The following FMN1 variants were observed in gnomAD, a reference collection of about 807,000 sequenced individuals.
FMN1 encodes the protein formin 1, also known as formin-1.
FMN1 carries 110 observed loss-of-function variants against 132.4 expected under a neutral mutation model. That is an observed-to-expected ratio of 0.83 (90% CI 0.71 to 0.97). FMN1 has a LOEUF of 0.97. Ranked by LOEUF, FMN1 falls within the 50% of genes least tolerant of loss-of-function variation. The pLI is 0.00. For synonymous variants in FMN1, 722 were observed against 651.7 expected (o/e 1.11, Z -1.64); for missense variants, 1,792 against 1,705.3 (o/e 1.05, Z -0.90).
chr15:33,133,439 C>T (rs901854334), intron 4 of FMN1, among the ~76,000 whole-genome samples: 4 of 152,250 alleles, frequency 2.6e-5, no homozygotes, highest in East Asian at 1.9e-4. Context: ...CCAAAGAGTA[C>T]GAACAGGGCC....
intron 5 of FMN1, among the ~76,000 whole-genome samples, chr15:33,086,672 A>C (rs1276837535): frequency 2.0e-5 from 3 of 152,210 alleles, no homozygotes; most frequent in African/African-American, 7.2e-5. Flanking sequence ...TGCAACTTAA[A>C]GTAATTGACC....
At chr15:33,124,938 C>T (rs1962910223) in intron 4 of FMN1, among the ~76,000 whole-genome samples, 1 of 151,974 alleles carries the variant, frequency 6.6e-6, no homozygotes, top group Non-Finnish European at 1.5e-5. Flanking sequence ...CCACTCCCCT[C>T]CACTGAGGTT....
rs763790315 is a variant in FMN1 at position 33,153,147 on chromosome 15, G to A, written c.1768C>T (p.Leu590Phe). ...ACCAACCGAGGTTGGCCTGCTCTGA[G>A]GAAGGCCGGGCTGGCTCCTTTGGTC... ...TETKGASPAF[L>F]RAGQPRLVPG... Residue 590 changes from leucine (L) to phenylalanine (F), a missense_variant, in exon 4 of 21, where the codon CTC becomes TTC. Transcript: ENST00000616417. 39 of 1,536,052 alleles carry A rather than the reference G, an allele frequency of 2.5e-5. No homozygotes were observed. Among genetic ancestry groups the A allele is most frequent in the Middle Eastern group, 3.3e-4 (2 of 6,012 alleles).
At chr15:32,955,932 T>C (rs1367039335) in intron 9 of FMN1, among the ~76,000 whole-genome samples, 1 of 152,198 alleles carries the variant, frequency 6.6e-6, no homozygotes, top group Non-Finnish European at 1.5e-5. Flanking sequence ...AATCATTCAT[T>C]CTAAGCACTG....
Position 33,148,668 on chromosome 15 carries a change from G to A in FMN1, c.1867+4380C>T, listed in dbSNP as rs369395840. Among the ~76,000 whole-genome samples the A allele has an allele frequency of 1.3e-4, 19 of 150,996 alleles. No individual in the cohort carries two copies. In the East Asian group the frequency reaches 2.7e-3, roughly 21 times the overall value. On this transcript the variant is annotated intron_variant, in intron 4 of 20. Coordinates refer to ENST00000616417, the MANE Select transcript of FMN1 (RefSeq NM_001277313.2). Reference sequence around the variant, plus strand: ...ATTAATCTCCCCTGTCTGGGCTCCAGTGACCACGCACGCCTTCCCTTGCGC... The same window carrying A: ...ATTAATCTCCCCTGTCTGGGCTCCAATGACCACGCACGCCTTCCCTTGCGC...
At position 33,154,689 on chromosome 15, in the gene FMN1, T is replaced by A; in HGVS notation, c.226A>T (p.Lys76Ter). Reference protein sequence around the residue: ...PDEHPGDIFFKQTPTKDILTE... With the variant: ...PDEHPGDIFF ...AGAATGTCTTTCGTGGGAGTCTGCT[T>A]GAAAAATATGTCGCCTGGATGTTCG... The change falls in exon 4 of 21, where the codon AAG (lysine) becomes TAG (stop). Residue 76 changes from lysine (K) to a stop codon, truncating the protein, a stop_gained. Coordinates refer to ENST00000616417, the MANE Select transcript of FMN1 (RefSeq NM_001277313.2). LOFTEE classifies it high-confidence loss of function. The A allele has an allele frequency of 2.0e-6, 3 of 1,536,074 alleles. No individual in the cohort carries two copies. The highest frequency in any genetic ancestry group is 2.6e-6 in the Non-Finnish European group (3 of 1,146,892).
chr15:32,777,496 C>T (rs940510912), intron 19 of FMN1, among the ~76,000 whole-genome samples: 19 of 143,126 alleles, frequency 1.3e-4, no homozygotes, highest in Non-Finnish European at 2.4e-4. Flanking sequence ...TTATATATTA[C>T]GTATAACATA....
At chr15:32,845,310 G>C (rs537620007) in intron 17 of FMN1, among the ~76,000 whole-genome samples, 72 of 152,236 alleles carry the variant, frequency 4.7e-4, no homozygotes, top group Middle Eastern at 3.4e-3. Context: ...TTAAATACTT[G>C]TCACTGCAAT....
At chr15:32,950,994 T>A (rs2061639111) in intron 9 of FMN1, among the ~76,000 whole-genome samples, 1 of 152,098 alleles carries the variant, frequency 6.6e-6, no homozygotes, top group Non-Finnish European at 1.5e-5. Flanking sequence ...TTTTTTAAAG[T>A]CTTAATATTG....
At chr15:32,891,011 A>G (rs1381337632) in intron 15 of FMN1, among the ~76,000 whole-genome samples, 1 of 151,968 alleles carries the variant, frequency 6.6e-6, no homozygotes, top group South Asian at 2.1e-4. Flanking sequence ...TTCCCACTTT[A>G]TATTTTTGTT....
chr15:33,066,463 CA>C (rs1240900590), intron 5 of FMN1: 1 of 1,400,644 alleles, frequency 7.1e-7, no homozygotes, highest in Non-Finnish European at 9.5e-7. Flanking sequence ...GAAAGAAATA[CA>C]GCAGCACCAT....
At position 32,840,924 on chromosome 15, in the gene FMN1, AAGAT is replaced by A. The variant is rs1211653912; in HGVS notation, c.3928+16087_3928+16090del. Reference sequence around the variant, plus strand: ...TCATTCCACCCTCCCCAGTCTTTGAAAGATAGACACAGGAGTGTCACACAGTACA... The same window carrying A: ...TCATTCCACCCTCCCCAGTCTTTGAAAGACACAGGAGTGTCACACAGTACA... On this transcript the variant is annotated intron_variant, in intron 17 of 20. Coordinates refer to ENST00000616417, the MANE Select transcript of FMN1 (RefSeq NM_001277313.2). Among the ~76,000 whole-genome samples the A allele has an allele frequency of 3.3e-5, 5 of 152,344 alleles. No homozygotes were observed. The East Asian group carries it at 9.6e-4, about 29-fold the overall frequency.
At position 32,957,351 on chromosome 15, in the gene FMN1, G is replaced by C. The variant is rs148132829; in HGVS notation, c.3138+6756C>G. 2.5e-3 allele frequency among the ~76,000 whole-genome samples: 262 copies of C among 104,510 alleles called. 3 individuals are homozygous for C. The East Asian group carries it at 0.045, about 18-fold the overall frequency. The allele number at this position is 104,510 out of a possible 152,430, so 68.6% of individuals were successfully genotyped here. A position where few individuals can be genotyped will look rare whatever the true frequency, so the allele number is the denominator to read the frequency against. On this transcript the variant is annotated intron_variant, in intron 9 of 20. Transcript: ENST00000616417. ...ACAGGAACCAGGAGAAAGAATCACA[G>C]ACAATGAAGGTGGATTTCTGGCTCC... is the stretch of plus-strand genomic sequence containing the variant.
At chr15:32,899,234 G>C (rs181011008) in intron 14 of FMN1, among the ~76,000 whole-genome samples, 1 of 152,196 alleles carries the variant, frequency 6.6e-6, no homozygotes, top group Non-Finnish European at 1.5e-5. Context: ...CCAGGGCCTA[G>C]AACAGAAAAG....
At position 32,867,693 on chromosome 15, in the gene FMN1, A is replaced by G. The variant is rs375558875; in HGVS notation, c.3836-10586T>C. On this transcript the variant is annotated intron_variant, in intron 16 of 20. Transcript: ENST00000616417. ...TTTTTAGTAGAGACGGGGTTTCACC[A>G]TGTTAGCCGGGATGGTCTCAATCTC... Among the ~76,000 whole-genome samples, 626 of 152,032 alleles carry G rather than the reference A, an allele frequency of 4.1e-3. 2 individuals carry two copies. The highest frequency in any genetic ancestry group is 0.014 in the African/African-American group (567 of 41,478).
At chr15:33,079,782 A>G (rs921727885) in intron 5 of FMN1, among the ~76,000 whole-genome samples, 1 of 152,246 alleles carries the variant, frequency 6.6e-6, no homozygotes. Flanking sequence ...TACTAATTTG[A>G]GAGATAACTG....
intron 10 of FMN1, among the ~76,000 whole-genome samples, chr15:32,915,021 A>G (rs1263297865): frequency 6.6e-6 from 1 of 152,234 alleles, no homozygotes; most frequent in Admixed American, 6.5e-5. Flanking sequence ...TAAAATCTAA[A>G]AAGTAAAAGA....
At chr15:33,121,760 CCCT>C (rs1202952341) in intron 4 of FMN1, among the ~76,000 whole-genome samples, 3 of 151,942 alleles carry the variant, frequency 2.0e-5, no homozygotes, top group Non-Finnish European at 4.4e-5. Flanking sequence ...ATCTCCTGAC[CCCT>C]CAAGTGATCC....
chr15:33,119,756 T>C (rs1962376887), intron 4 of FMN1, among the ~76,000 whole-genome samples: 1 of 152,222 alleles, frequency 6.6e-6, no homozygotes, highest in African/African-American at 2.4e-5. Flanking sequence ...CTGTTTGTAC[T>C]ATATTCGTCT....
Sources: allele counts gnomAD v4.1 joint callset (sites outside exome capture counted in the v4.1 genomes callset), GRCh38; gene constraint gnomAD v4.1.1; transcripts MANE v1.5; gene names NCBI Gene and HGNC (gene_info 2026-07-23, HGNC 2026-07-21).